The following KCTD14 variants were observed in gnomAD, a reference collection of about 807,000 sequenced individuals.
The protein encoded by KCTD14 is BTB/POZ domain-containing protein KCTD14.
A neutral mutation model predicts 5.9 loss-of-function variants in KCTD14; 7 were observed. That is an observed-to-expected ratio of 1.19 (90% CI 0.68 to 2.23). The LOEUF (loss-of-function observed/expected upper bound fraction) is 2.23. Among genes scored for constraint, KCTD14 ranks in the 30% most tolerant of loss-of-function variants. The pLI, the probability that KCTD14 is intolerant of heterozygous loss-of-function variation, is 0.00. For missense variants in KCTD14, 342 were observed against 332.2 expected (o/e 1.03, Z -0.23); for synonymous variants, 140 against 133.1 (o/e 1.05, Z -0.36).
At chr11:78,033,885 G>GTA (rs1857707319) in intron 2 of KCTD14, among the ~76,000 whole-genome samples, 1 of 50,422 alleles carries the variant, frequency 2.0e-5, no homozygotes, top group Non-Finnish European at 3.6e-5. Context: ...AATAGTGTGT[G>GTA]TGTATGTGTG....
intron 2 of KCTD14, among the ~76,000 whole-genome samples, chr11:78,029,723 T>C (rs1028098456): frequency 4.6e-5 from 7 of 152,022 alleles, no homozygotes; most frequent in African/African-American, 1.7e-4. Context: ...TTTACTAGGG[T>C]TTTTTAATAG....
upstream of KCTD14, among the ~76,000 whole-genome samples, chr11:78,026,924 C>T (rs992594475): frequency 6.6e-6 from 1 of 151,968 alleles, no homozygotes; most frequent in African/African-American, 2.4e-5. Context: ...CATGGTAAAA[C>T]CCCAATTCTA....
upstream of KCTD14, among the ~76,000 whole-genome samples, chr11:78,027,115 T>C (rs1330657417): frequency 6.6e-6 from 1 of 151,880 alleles, no homozygotes; most frequent in Non-Finnish European, 1.5e-5. Context: ...AATTAATTAA[T>C]TAATTAAAAT....
rs539239491 is a variant in KCTD14 at position 78,038,992 on chromosome 11, T to G, written c.-95-234A>C. Among the ~76,000 whole-genome samples, 10 of 140,308 alleles carry G rather than the reference T, an allele frequency of 7.1e-5. No individual in the cohort carries two copies. The South Asian group carries it at 2.3e-3, about 32-fold the overall frequency. 92.0% of individuals were successfully genotyped at this position (140,308 alleles called of 152,430 possible). ...AAGGGCCAGGAATTGGCGCCCTGCC[T>G]AAAACTCATGGGAATTTCCCCAGAA... On this transcript the variant is annotated intron_variant, in intron 1 of 2. Transcript: ENST00000533144.
At chr11:78,041,180 C>G (rs1002671039) in intron 1 of KCTD14, among the ~76,000 whole-genome samples, 1 of 152,134 alleles carries the variant, frequency 6.6e-6, no homozygotes, top group Non-Finnish European at 1.5e-5. Context: ...CAGGGCGGCA[C>G]TGGCGCAGTG....
rs566313697 is a variant in KCTD14 at position 78,041,741 on chromosome 11, C to T, written c.-95-2983G>A. 6.2e-4 allele frequency among the ~76,000 whole-genome samples: 94 copies of T among 152,362 alleles called. 2 individuals are homozygous for T. In the South Asian group the frequency reaches 0.018, roughly 30 times the overall value. ...TGTTTGCCACTGACTCCCATCCCTC[C>T]GGATCTGGCAGGGTGTCCTCTGTGC... is the stretch of plus-strand genomic sequence containing the variant. On this transcript the variant is annotated intron_variant, in intron 1 of 2. Coordinates refer to the KCTD14 transcript ENST00000533144.
chr11:78,024,429 C>CAA (rs1857395928), upstream of KCTD14, among the ~76,000 whole-genome samples: 2 of 64,978 alleles, frequency 3.1e-5, no homozygotes, highest in African/African-American at 8.5e-5. Flanking sequence ...CACACACACA[C>CAA]ACACACACAC....
At position 78,038,535 on chromosome 11, in the gene KCTD14, C is replaced by G. The variant is rs1483844409; in HGVS notation, c.-1+129G>C. On this transcript the variant is annotated intron_variant, in intron 2 of 2. Coordinates refer to the KCTD14 transcript ENST00000533144. ...TGGAGAGGAATCAACCGCACCCCAT[C>G]TGGCTCCCCGCTCACTGGCTCCCCA... 12 of 1,089,796 alleles carry G rather than the reference C, an allele frequency of 1.1e-5. No homozygotes were observed. In the East Asian group the frequency reaches 3.1e-4, roughly 28 times the overall value. The allele number at this position is 1,089,796 out of a possible 1,614,324, so 67.5% of individuals were successfully genotyped here.
chr11:78,041,558 G>T (rs2136761063), intron 1 of KCTD14, among the ~76,000 whole-genome samples: 1 of 152,336 alleles, frequency 6.6e-6, no homozygotes, highest in South Asian at 2.1e-4. Flanking sequence ...ATAAACCCAG[G>T]CACTGGAGCC....
chr11:78,019,133 C>T (rs146513876), intron 1 of KCTD14, among the ~76,000 whole-genome samples: 70 of 151,204 alleles, frequency 4.6e-4, no homozygotes, highest in African/African-American at 1.5e-3. Context: ...AAGCGATTAT[C>T]GTGCCTCAGC....
rs1466102098 is a variant in KCTD14, at chr11:78,016,853, C to T, written c.508G>A (p.Val170Met). The change falls in exon 2 of 2, where the codon GTG becomes ATG. Residue 170 changes from valine (V) to methionine (M), a missense_variant. Transcript: ENST00000353172. ...AITARKSSVL[V>M]CLVETEEQDA... Reference sequence around the variant, plus strand: ...TGCTCCTCAGTTTCCACCAGGCACACAAGCACGCTGGACTTCCGTGCTGTT... The same window carrying T: ...TGCTCCTCAGTTTCCACCAGGCACATAAGCACGCTGGACTTCCGTGCTGTT... 6.2e-7 allele frequency: 1 copy of T among 1,614,218 alleles called. No individual in the cohort carries two copies. The highest frequency in any genetic ancestry group is 2.2e-5 in the East Asian group (1 of 44,890).
At chr11:78,022,793 C>G (rs1280249122) in intron 1 of KCTD14, 4 of 200,414 alleles carry the variant, frequency 2.0e-5, no homozygotes, top group African/African-American at 9.3e-5. Context: ...ATGGGCTTCT[C>G]CCACCGGGAG....
upstream of KCTD14, among the ~76,000 whole-genome samples, chr11:78,026,654 A>C (rs1490017153): frequency 1.3e-5 from 2 of 151,896 alleles, no homozygotes; most frequent in African/African-American, 4.8e-5. Flanking sequence ...CTGTAGTCTC[A>C]GCTACTTGGG....
In KCTD14 at chr11:78,038,621, C is replaced by T. The variant is rs1857890716; in HGVS notation, c.-1+43G>A. Reference sequence around the variant, plus strand: ...TGAACAGCTTCTCCACCATCTCACACAGCCCAGACACCTGGACCCAAGAGA... The same window carrying T: ...TGAACAGCTTCTCCACCATCTCACATAGCCCAGACACCTGGACCCAAGAGA... On this transcript the variant is annotated intron_variant, in intron 2 of 2. Transcript: ENST00000533144. 6 of 1,532,968 alleles carry T rather than the reference C, an allele frequency of 3.9e-6. No homozygotes were observed. The Admixed American group carries it at 5.9e-5, about 15-fold the overall frequency. The allele number at this position is 1,532,968 out of a possible 1,614,324, so 95.0% of individuals were successfully genotyped here.
At chr11:78,024,167 T>C (rs1857380815), upstream of KCTD14, among the ~76,000 whole-genome samples, 1 of 151,528 alleles carries the variant, frequency 6.6e-6, no homozygotes, top group Non-Finnish European at 1.5e-5. Flanking sequence ...GACAGATCAT[T>C]TGAGGTCAGA....
At chr11:78,024,397 A>AT (rs1482660299), upstream of KCTD14, among the ~76,000 whole-genome samples, 1,713 of 130,818 alleles carry the variant, frequency 0.013, 53 homozygotes, top group African/African-American at 0.04. Flanking sequence ...AAAAAAAAAA[A>AT]ATATATATAT....
intron 1 of KCTD14, among the ~76,000 whole-genome samples, chr11:78,021,251 T>C (rs1159815262): frequency 1.5e-5 from 2 of 135,928 alleles, no homozygotes; most frequent in Non-Finnish European, 3.1e-5. Flanking sequence ...TGAGCCAAGA[T>C]TGCACTACTG....
intron 2 of KCTD14, among the ~76,000 whole-genome samples, chr11:78,037,926 A>G (rs1169332694): frequency 6.6e-6 from 1 of 151,430 alleles, no homozygotes; most frequent in Non-Finnish European, 1.5e-5. Flanking sequence ...AAGTGTGCTC[A>G]CTTTGTGAAT....
At chr11:78,025,023 T>C (rs1372960141), upstream of KCTD14, among the ~76,000 whole-genome samples, 3 of 149,584 alleles carry the variant, frequency 2.0e-5, no homozygotes, top group South Asian at 4.2e-4. Flanking sequence ...TCCATTACTT[T>C]TTTAACTCCC....
Sources: gnomAD v4.1 joint callset for allele counts (sites outside exome capture counted in the v4.1 genomes callset) on GRCh38, gnomAD v4.1.1 for gene constraint, MANE v1.5 for transcripts, NCBI Gene and HGNC (gene_info 2026-07-23, HGNC 2026-07-21) for gene names.